BCL6: variants seen among roughly 807,000 people sequenced by gnomAD.
The protein encoded by BCL6 is BCL6 transcription repressor.
A neutral mutation model predicts 59.5 loss-of-function variants in BCL6; 7 were observed. That is an observed-to-expected ratio of 0.12 (90% CI 0.07 to 0.22). The LOEUF is 0.22. BCL6 is among the 10% of genes least tolerant of loss of function. The pLI, the probability that BCL6 is intolerant of heterozygous loss-of-function variation, is 1.00. For synonymous variants in BCL6, 339 were observed against 349.7 expected, an observed-to-expected ratio of 0.97 and a Z score of 0.34; for missense variants, 685 against 939.4, an observed-to-expected ratio of 0.73 and a Z score of 3.54.
At chr3:187,724,024 C>G (rs773176027) in intron 9 of BCL6, among the ~76,000 whole-genome samples, 2 of 152,176 alleles carry the variant, frequency 1.3e-5, no homozygotes, top group Non-Finnish European at 2.9e-5. Context: ...TTTGCCCAAA[C>G]AGCAAGTAAG....
At chr3:187,745,239 A>G (rs531977776) in intron 1 of BCL6, among the ~76,000 whole-genome samples, 171 bp downstream of exon 1, 3 of 152,316 alleles carry the variant, frequency 2.0e-5, no homozygotes, top group Middle Eastern at 3.4e-3. Flanking sequence ...CATTTATATC[A>G]ATAGATACAC....
At chr3:187,743,229 T>C (rs2108481604) in intron 1 of BCL6, among the ~76,000 whole-genome samples, 1 of 148,624 alleles carries the variant, frequency 6.7e-6, no homozygotes, top group East Asian at 2.0e-4. Context: ...CACTTTACTT[T>C]AAAAAAAGAA....
chr3:187,734,197 T>C (rs1719182044), intron 2 of BCL6, among the ~76,000 whole-genome samples: 1 of 152,164 alleles, frequency 6.6e-6, no homozygotes, highest in Non-Finnish European at 1.5e-5. Context: ...CCTGCCACCA[T>C]GCCCAGCTAA....
At position 187,729,974 on chromosome 3, in the gene BCL6, A is replaced by T. The variant is rs144416315; in HGVS notation, c.431T>A (p.Leu144His). The T allele has an allele frequency of 1.6e-5, 25 of 1,602,596 alleles. No individual in the cohort carries two copies. The African/African-American group carries it at 3.2e-4, about 21-fold the overall frequency. ...SAIKPPREEF[L>H]NSRMLMPQDI... ...TTGGGGCATCAGCATCCGGCTGTTG[A>T]GGAACTCTTCACGAGGAGGCTTGAT... Residue 144 changes from leucine to histidine, a missense_variant, in exon 5 of 10, where the codon CTC becomes CAC. Physicochemically the swap from Leu to His is moderately conservative, Grantham distance 99. Coordinates refer to ENST00000406870, the MANE Select transcript of BCL6 (RefSeq NM_001706.5). This position sits in a 1 kb window ranked among gnomAD's most constrained non-coding sequence, Gnocchi z 5.6.
Position 187,722,319 on chromosome 3 carries a change from A to ACAC in BCL6, c.*138_*139insGTG. 1 of 101,330 alleles carries ACAC rather than the reference A, an allele frequency of 9.9e-6. No individual in the cohort carries two copies. Among genetic ancestry groups the ACAC allele is most frequent in the Non-Finnish European group, 1.5e-5 (1 of 68,352 alleles). The allele number at this position is 101,330 out of a possible 1,614,324, so 6.3% of individuals were successfully genotyped here. A position where few individuals can be genotyped will look rare whatever the true frequency, so the allele number is the denominator to read the frequency against. On this transcript the variant is annotated 3_prime_UTR_variant, in exon 10 of 10. Coordinates refer to ENST00000406870, the MANE Select transcript of BCL6 (RefSeq NM_001706.5). ...AGTCCCCCAGGCCCCGACCCCCACC[A>ACAC]CCCCCAACCCCCAGCTATGATTTGC...
intron 1 of BCL6, among the ~76,000 whole-genome samples, chr3:187,744,479 G>A (rs141314606): frequency 0.01 from 1,532 of 152,172 alleles, 13 homozygotes; most frequent in Non-Finnish European, 0.014. Context: ...AAAACACAGG[G>A]GCAGGGAACA....
chr3:187,726,909 G>A lies in BCL6; in HGVS notation c.1541-11C>T. 1 of 1,613,786 alleles carries A rather than the reference G, an allele frequency of 6.2e-7. No homozygotes were observed. ...AGAAGGCCCCGTTCTCTGTTGGAGG[G>A]TGGTAGGGGGACACCAAAGTCAGCA... On this transcript the variant is annotated splice_polypyrimidine_tract_variant and intron_variant, in intron 6 of 9. Coordinates refer to ENST00000406870, the MANE Select transcript of BCL6 (RefSeq NM_001706.5).
chr3:187,741,187 G>T (rs753355764), intron 1 of BCL6, among the ~76,000 whole-genome samples: 1 of 152,140 alleles, frequency 6.6e-6, no homozygotes, highest in Non-Finnish European at 1.5e-5. Context: ...TTAATTTAGT[G>T]TATGTAATTC....
At chr3:187,722,735 AC>A in intron 9 of BCL6, 134 bp from the exon 10 acceptor site, 1 of 1,101,204 alleles carries the variant, frequency 9.1e-7, no homozygotes, top group Non-Finnish European at 1.3e-6. Context: ...CAGGTGAAGA[AC>A]CCATATGCAT....
At chr3:187,736,588 C>G (rs1336267984) in intron 1 of BCL6, 1 of 152,182 alleles carries the variant, frequency 6.6e-6, no homozygotes, top group Admixed American at 6.5e-5. Context: ...ACTCCAGATG[C>G]GGATTGAAAC....
At position 187,745,458 on chromosome 3, in the gene BCL6, A is replaced by G. The variant is rs1711911943; in HGVS notation, c.-98T>C. ...ACTTCTTGCATCACCACTTCTAAGA[A>G]CCCCAGTTCTAAGAATCAACAGAGC... On this transcript the variant is annotated 5_prime_UTR_variant, in exon 1 of 10. Transcript: ENST00000406870. The G allele has an allele frequency of 2.5e-6, 1 of 399,214 alleles. No homozygotes were observed. The highest frequency in any genetic ancestry group is 2.1e-5 in the African/African-American group (1 of 48,656). The allele number at this position is 399,214 out of a possible 1,614,324, so 24.7% of individuals were successfully genotyped here. A position where few individuals can be genotyped will look rare whatever the true frequency, so the allele number is the denominator to read the frequency against.
At chr3:187,742,811 A>T (rs1009702108) in intron 1 of BCL6, among the ~76,000 whole-genome samples, 14 of 152,040 alleles carry the variant, frequency 9.2e-5, no homozygotes, top group East Asian at 5.8e-4. Flanking sequence ...CGTCTTTTTT[A>T]AAAAAGTATA....
chr3:187,744,140 A>G (rs1576884473), intron 1 of BCL6, among the ~76,000 whole-genome samples: 1 of 152,154 alleles, frequency 6.6e-6, no homozygotes, highest in Non-Finnish European at 1.5e-5. Context: ...AATAAAATAA[A>G]ATTTAGGAAA....
At position 187,725,221 on chromosome 3, in the gene BCL6, G is replaced by T; in HGVS notation, c.1840-143C>A. Reference sequence around the variant, plus strand: ...ACACAGGGACTGAGTGGGCCTTTCTGCTGCCCACTCTGCTCACCTGCCCAC... The same window carrying T: ...ACACAGGGACTGAGTGGGCCTTTCTTCTGCCCACTCTGCTCACCTGCCCAC... On this transcript the variant is annotated intron_variant, in intron 8 of 9. Transcript: ENST00000406870. This position sits in a 1 kb window ranked among gnomAD's most constrained non-coding sequence, Gnocchi z 4.7. 7.6e-7 allele frequency: 1 copy of T among 1,323,424 alleles called. No individual in the cohort carries two copies. Among genetic ancestry groups the T allele is most frequent in the South Asian group, 1.4e-5 (1 of 72,330 alleles). The allele number at this position is 1,323,424 out of a possible 1,614,324, so 82.0% of individuals were successfully genotyped here. A position where few individuals can be genotyped will look rare whatever the true frequency, so the allele number is the denominator to read the frequency against.
intron 1 of BCL6, among the ~76,000 whole-genome samples, chr3:187,743,529 A>AT (rs3836480): frequency 3.4e-4 from 52 of 151,776 alleles, no homozygotes; most frequent in South Asian, 2.3e-3. Flanking sequence ...GTCTTTTTTC[A>AT]TTTTTTTAAA....
chr3:187,745,272 A>G (rs544451034), intron 1 of BCL6, 138 bp downstream of exon 1: 10 of 398,574 alleles, frequency 2.5e-5, no homozygotes, highest in Admixed American at 1.8e-4. Context: ...GAGCCAAAGC[A>G]TTTGGCAAGA....
intron 1 of BCL6, among the ~76,000 whole-genome samples, chr3:187,745,149 A>G (rs553463616): frequency 3.9e-5 from 6 of 152,160 alleles, no homozygotes; most frequent in East Asian, 1.9e-4. Context: ...ATAACAATCT[A>G]TATCCTATGG....
chr3:187,737,379 G>GAGAA (rs1488571354), intron 1 of BCL6: 1 of 128,310 alleles, frequency 7.8e-6, no homozygotes, highest in East Asian at 2.0e-4. Flanking sequence ...GAGAGAGAGA[G>GAGAA]AGAGAGAGAG....
chr3:187,742,535 G>A (rs1711644689), intron 1 of BCL6, among the ~76,000 whole-genome samples: 1 of 152,178 alleles, frequency 6.6e-6, no homozygotes, highest in Admixed American at 6.5e-5. Flanking sequence ...TTTATGAACA[G>A]CATCTAGCCT....
Sources: gnomAD v4.1 joint callset for allele counts (sites outside exome capture counted in the v4.1 genomes callset) on GRCh38, gnomAD v4.1.1 for gene constraint, Gnocchi (gnomAD v3.1) non-coding constraint, MANE v1.5 for transcripts, NCBI Gene and HGNC (gene_info 2026-07-23, HGNC 2026-07-21) for gene names.